Variants in PCDHGA11 observed in about 807,000 individuals in gnomAD.
PCDHGA11 encodes the protein protocadherin gamma subfamily A, 11.
In PCDHGA11, 39 loss-of-function variants were observed where a neutral mutation model predicts 60.4. The observed-to-expected ratio is 0.65, with a 90% CI of 0.50 to 0.84. The LOEUF (loss-of-function observed/expected upper bound fraction) is 0.84, where lower values mean the gene tolerates loss of function less well. Ranked by LOEUF, PCDHGA11 falls within the 40% of genes least tolerant of loss-of-function variation. The probability of loss-of-function intolerance (pLI) is 0.00; values close to 1 mark genes in which losing one functional copy is unlikely to be tolerated. For missense variants in PCDHGA11, 1,165 were observed against 1,197.7 expected (o/e 0.97, Z 0.40); for synonymous variants, 533 against 510.3 (o/e 1.04, Z -0.60).
Position 141,431,585 on chromosome 5 carries a change from G to A in PCDHGA11, c.2433+7925G>A. 6.2e-7 allele frequency: 1 copy of A among 1,614,204 alleles called. No individual in the cohort carries two copies. The highest frequency in any genetic ancestry group is 1.6e-4 in the Middle Eastern group (1 of 6,062). On this transcript the variant is annotated intron_variant, in intron 1 of 3. Transcript: ENST00000398587. This position sits in a 1 kb window ranked among gnomAD's most constrained non-coding sequence, Gnocchi z 4.8. ...CGACCCTGACGAAGGAGTCAATGCG[G>A]AAGTGAGGTATTCCTTCCGGTATGT...
chr5:141,424,434 T>C (rs2096821185), intron 1 of PCDHGA11: 1 of 151,048 alleles, frequency 6.6e-6, no homozygotes, highest in Admixed American at 6.6e-5. Flanking sequence ...GAGGAAATAA[T>C]TGAATTATTG....
intron 1 of PCDHGA11, chr5:141,478,523 G>A: frequency 1.2e-6 from 2 of 1,609,908 alleles, no homozygotes; most frequent in Non-Finnish European, 1.7e-6. Flanking sequence ...GGTGTTGGGT[G>A]CAGAGAGCGC....
At chr5:141,460,882 C>G (rs2098999926) in intron 1 of PCDHGA11, among the ~76,000 whole-genome samples, 1 of 149,600 alleles carries the variant, frequency 6.7e-6, no homozygotes, top group Non-Finnish European at 1.5e-5. Context: ...TTATTTCATG[C>G]CTTTTCGTGG....
At chr5:141,426,492 T>A (rs1439487321) in intron 1 of PCDHGA11, 11 of 336,712 alleles carry the variant, frequency 3.3e-5, no homozygotes, top group South Asian at 2.6e-4. Flanking sequence ...TTAGAGTTAG[T>A]GCAGAGAAAC....
At position 141,423,228 on chromosome 5, in the gene PCDHGA11, C is replaced by G. The variant is rs1321708353; in HGVS notation, c.2001C>G (p.Asp667Glu). ...ATVTLTVAVA[D>E]SIPEVLADLG... The stretch of plus-strand genomic sequence containing the variant: ...TCACGCTCACCGTGGCTGTGGCCGA[C>G]AGCATCCCCGAAGTCCTGGCGGACC... The change falls in exon 1 of 4, where the codon GAC (aspartate) becomes GAG (glutamate). Residue 667 changes from aspartate (D) to glutamate (E), a missense_variant. Coordinates refer to ENST00000398587, the MANE Select transcript of PCDHGA11 (RefSeq NM_018914.3). 3.1e-6 allele frequency: 5 copies of G among 1,613,866 alleles called. No individual in the cohort carries two copies. Among genetic ancestry groups the G allele is most frequent in the Non-Finnish European group, 2.5e-6 (3 of 1,180,032 alleles).
At position 141,489,220 on chromosome 5, in the gene PCDHGA11, C is replaced by T; in HGVS notation, c.2434-5587C>T. ...AGACAGGACAGCACAGACTTACTCT[C>T]CACAAAGGGACTTCTGGGTCATGGG... On this transcript the variant is annotated intron_variant, in intron 1 of 3. Transcript: ENST00000398587. This position sits in a 1 kb window ranked among gnomAD's most constrained non-coding sequence, Gnocchi z 4.5. The T allele has an allele frequency of 6.6e-7, 1 of 1,508,698 alleles. No homozygotes were observed. The highest frequency in any genetic ancestry group is 8.9e-7 in the Non-Finnish European group (1 of 1,122,110). The allele number at this position is 1,508,698 out of a possible 1,614,324, so 93.5% of individuals were successfully genotyped here.
At chr5:141,508,538 G>C (rs1383873129) in intron 3 of PCDHGA11, among the ~76,000 whole-genome samples, 1 of 152,120 alleles carries the variant, frequency 6.6e-6, no homozygotes, top group African/African-American at 2.4e-5. Flanking sequence ...CACCCCCCAC[G>C]AGGTGGGCGG....
At chr5:141,428,003 C>T in intron 1 of PCDHGA11, 1 of 1,601,362 alleles carries the variant, frequency 6.2e-7, no homozygotes, top group East Asian at 2.2e-5. Flanking sequence ...CCGCACTCTT[C>T]GATATAGTGC....
Position 141,468,837 on chromosome 5 carries a change from G to A in PCDHGA11, c.2434-25970G>A, listed in dbSNP as rs550455857. ...GCCAAGATCAAGCCACTGCACTCCA[G>A]CCTGGGCAACAGAGCGAGACTCCAT... On this transcript the variant is annotated intron_variant, in intron 1 of 3. Transcript: ENST00000398587. 3.3e-5 allele frequency among the ~76,000 whole-genome samples: 5 copies of A among 152,228 alleles called. No homozygotes were observed. The East Asian group carries it at 9.7e-4, about 29-fold the overall frequency.
chr5:141,430,725 G>A (rs1436128094), intron 1 of PCDHGA11: 4 of 1,497,276 alleles, frequency 2.7e-6, no homozygotes, highest in Admixed American at 2.4e-5. Flanking sequence ...AGTGGTTAAG[G>A]GCAGAATTGA....
intron 3 of PCDHGA11, among the ~76,000 whole-genome samples, chr5:141,508,738 A>C (rs1596171196): frequency 7.1e-5 from 10 of 141,304 alleles, no homozygotes; most frequent in Admixed American, 1.4e-4. Context: ...TACACCCCCC[A>C]CCCCGCTCTT....
At position 141,463,438 on chromosome 5, in the gene PCDHGA11, C is replaced by CTTTTT. The variant is rs71576115; in HGVS notation, c.2434-31345_2434-31341dup. On this transcript the variant is annotated intron_variant, in intron 1 of 3. Coordinates refer to ENST00000398587, the MANE Select transcript of PCDHGA11 (RefSeq NM_018914.3). ...GTTTGCGGATCCTCATTTCCTTCTC[C>CTTTTT]TTTTTTTTTTTTTTTTTTTTTTTTT... is the stretch of plus-strand genomic sequence containing the variant. 3.0e-4 allele frequency among the ~76,000 whole-genome samples: 31 copies of CTTTTT among 103,252 alleles called. 1 individual carries two copies. Among genetic ancestry groups the CTTTTT allele is most frequent in the African/African-American group, 1.2e-3 (26 of 22,402 alleles). The allele number at this position is 103,252 out of a possible 152,430, so 67.7% of individuals were successfully genotyped here.
intron 1 of PCDHGA11, among the ~76,000 whole-genome samples, chr5:141,456,887 C>T (rs112521083): frequency 0.042 from 6,384 of 152,090 alleles, 167 homozygotes; most frequent in Middle Eastern, 0.088. Flanking sequence ...CGCTTGAACC[C>T]GGGAGGCAGA....
intron 2 of PCDHGA11, among the ~76,000 whole-genome samples, chr5:141,502,787 G>T (rs2099816081): frequency 6.6e-6 from 1 of 151,394 alleles, no homozygotes; most frequent in African/African-American, 2.4e-5. Flanking sequence ...TTACCTGGAT[G>T]ATTTCTTCAG....
At chr5:141,501,103 G>A (rs1449600108) in intron 2 of PCDHGA11, among the ~76,000 whole-genome samples, 9 of 152,078 alleles carry the variant, frequency 5.9e-5, no homozygotes, top group African/African-American at 1.4e-4. Context: ...TCTTGACCTC[G>A]TGATCCGCCT....
Position 141,491,663 on chromosome 5 carries a change from T to G in PCDHGA11, c.2434-3144T>G, listed in dbSNP as rs895604632. ...GCTCTGGCGCTGGAGCCTGACGCCA[T>G]CCGGTCCCGCTCTAATACGCTGCGG... On this transcript the variant is annotated intron_variant, in intron 1 of 3. Coordinates refer to ENST00000398587, the MANE Select transcript of PCDHGA11 (RefSeq NM_018914.3). The surrounding 1 kb of genome is among the most constrained non-coding windows in gnomAD (Gnocchi z 6.9). The G allele has an allele frequency of 3.1e-6, 5 of 1,613,650 alleles. No homozygotes were observed. Among genetic ancestry groups the G allele is most frequent in the Non-Finnish European group, 4.2e-6 (5 of 1,180,014 alleles).
In PCDHGA11 at chr5:141,489,637, T is replaced by G. The variant is rs1230531256; in HGVS notation, c.2434-5170T>G. The G allele has an allele frequency of 6.2e-6, 10 of 1,614,032 alleles. No homozygotes were observed. The highest frequency in any genetic ancestry group is 2.7e-5 in the African/African-American group (2 of 74,914). On this transcript the variant is annotated intron_variant, in intron 1 of 3. Transcript: ENST00000398587. The surrounding 1 kb of genome is among the most constrained non-coding windows in gnomAD (Gnocchi z 4.5). The stretch of plus-strand genomic sequence containing the variant: ...GGATCTCAATGACAACTCTCCTAGC[T>G]TTGCCACCCCTGAGCGAGAGATGCG...
intron 1 of PCDHGA11, among the ~76,000 whole-genome samples, chr5:141,438,223 CA>C: frequency 6.6e-6 from 1 of 151,912 alleles, no homozygotes; most frequent in Non-Finnish European, 1.5e-5. Context: ...GGCTCTGGTT[CA>C]GGAAAATGTT....
At chr5:141,495,356 C>A (rs889897990) in intron 2 of PCDHGA11, among the ~76,000 whole-genome samples, 3 of 152,222 alleles carry the variant, frequency 2.0e-5, no homozygotes, top group Non-Finnish European at 4.4e-5. Flanking sequence ...GGCAGCACAG[C>A]TGGAGGTGGA....
Sources: allele counts gnomAD v4.1 joint callset (sites outside exome capture counted in the v4.1 genomes callset), GRCh38; gene constraint gnomAD v4.1.1; non-coding constraint Gnocchi (gnomAD v3.1); transcripts MANE v1.5; gene names NCBI Gene and HGNC (gene_info 2026-07-23, HGNC 2026-07-21).